RMST: variants seen among roughly 807,000 people sequenced by gnomAD.
RMST encodes the protein rhabdomyosarcoma 2 associated transcript.
At position 97,486,214 on chromosome 12, in the gene RMST, C is replaced by T. The variant is rs180839728; in HGVS notation, n.645-6247C>T. ...GCCTTTGTCTGATAAAAAGAACAGG[C>T]AGTGCCCACTCTAAAGAGGCAATGT... On this transcript the variant is annotated intron_variant and non_coding_transcript_variant, in intron 5 of 13. Transcript: ENST00000640149. 1.5e-4 allele frequency among the ~76,000 whole-genome samples: 23 copies of T among 152,280 alleles called. No homozygotes were observed. In the East Asian group the frequency reaches 3.9e-3, roughly 26 times the overall value.
chr12:97,559,764 A>C (rs1883988594), intron 11 of RMST, among the ~76,000 whole-genome samples: 1 of 152,172 alleles, frequency 6.6e-6, no homozygotes, highest in Non-Finnish European at 1.5e-5. Flanking sequence ...CATTGCTTCT[A>C]GAAGTGTGGG....
chr12:97,497,304 G>C (rs904932418), intron 10 of RMST, among the ~76,000 whole-genome samples: 6 of 152,162 alleles, frequency 3.9e-5, no homozygotes, highest in South Asian at 2.1e-4. Flanking sequence ...CTCTGTCTTA[G>C]TAATTAGACA....
intron 5 of RMST, among the ~76,000 whole-genome samples, chr12:97,467,931 G>A (rs1873391216): frequency 6.6e-6 from 1 of 151,950 alleles, no homozygotes; most frequent in South Asian, 2.1e-4. Context: ...TTTCTTAGTA[G>A]TAGCCAGTTA....
chr12:97,530,423 T>C (rs140352417), intron 10 of RMST: 1,609 of 152,148 alleles, frequency 0.011, 16 homozygotes, highest in Non-Finnish European at 0.014. Context: ...ATTCACCTGA[T>C]TGCTTTCCTG....
rs1286613813 is a variant in RMST, at chr12:97,511,468, T to C, written n.1340+15412T>C. On this transcript the variant is annotated intron_variant and non_coding_transcript_variant, in intron 10 of 13. Transcript: ENST00000640149. Reference sequence around the variant, plus strand: ...TTATTAGAGCAAATACAAATTACCCTAGAGAGTTTCTCTTTAGAAATTTCT... The same window carrying C: ...TTATTAGAGCAAATACAAATTACCCCAGAGAGTTTCTCTTTAGAAATTTCT... Among the ~76,000 whole-genome samples, 3 of 152,322 alleles carry C rather than the reference T, an allele frequency of 2.0e-5. No homozygotes were observed. The East Asian group carries it at 5.8e-4, about 29-fold the overall frequency.
intron 5 of RMST, among the ~76,000 whole-genome samples, chr12:97,482,452 A>G (rs1353793919): frequency 6.6e-6 from 1 of 151,932 alleles, no homozygotes; most frequent in Non-Finnish European, 1.5e-5. Flanking sequence ...CATTACTTCC[A>G]TTAGTAACTT....
chr12:97,503,739 G>C lies in RMST; in HGVS notation n.1340+7683G>C, dbSNP rs566500133. Reference sequence around the variant, plus strand: ...GTGTGAAGGGAGCAAATCCCTGCATGCTTCAGGAAAGTGGAAAAAGTCCAT... The same window carrying C: ...GTGTGAAGGGAGCAAATCCCTGCATCCTTCAGGAAAGTGGAAAAAGTCCAT... On this transcript the variant is annotated intron_variant and non_coding_transcript_variant, in intron 10 of 13. Transcript: ENST00000640149. Among the ~76,000 whole-genome samples, 23 of 152,288 alleles carry C rather than the reference G, an allele frequency of 1.5e-4. No homozygotes were observed. The South Asian group carries it at 2.5e-3, about 16-fold the overall frequency.
intron 10 of RMST, among the ~76,000 whole-genome samples, chr12:97,497,333 G>T (rs896272091): frequency 1.3e-5 from 2 of 152,128 alleles, no homozygotes; most frequent in Non-Finnish European, 2.9e-5. Flanking sequence ...AGCCAGTTTG[G>T]CCTCACCCTG....
chr12:97,491,189 A>G (rs1290791148), intron 5 of RMST, among the ~76,000 whole-genome samples: 1 of 152,178 alleles, frequency 6.6e-6, no homozygotes, highest in Non-Finnish European at 1.5e-5. Flanking sequence ...CCTCCAAAGC[A>G]ATTTGGTCGA....
intron 5 of RMST, among the ~76,000 whole-genome samples, chr12:97,475,202 A>G (rs1874397952): frequency 6.6e-6 from 1 of 152,144 alleles, no homozygotes; most frequent in South Asian, 2.1e-4. Context: ...TACATTGATC[A>G]GTCATGGTTT....
Position 97,511,483 on chromosome 12 carries a change from T to C in RMST, n.1340+15427T>C, listed in dbSNP as rs183079630. On this transcript the variant is annotated intron_variant and non_coding_transcript_variant, in intron 10 of 13. Coordinates refer to ENST00000640149, the Ensembl canonical transcript of RMST. The stretch of plus-strand genomic sequence containing the variant: ...CAAATTACCCTAGAGAGTTTCTCTT[T>C]AGAAATTTCTTGCTATTTTTTCCTT... Among the ~76,000 whole-genome samples the C allele has an allele frequency of 2.4e-3, 372 of 152,332 alleles. 2 individuals carry two copies. Among genetic ancestry groups the C allele is most frequent in the African/African-American group, 8.7e-3 (363 of 41,564 alleles).
intron 10 of RMST, among the ~76,000 whole-genome samples, chr12:97,498,207 G>T (rs1379478690): frequency 6.6e-6 from 1 of 152,120 alleles, no homozygotes; most frequent in African/African-American, 2.4e-5. Flanking sequence ...TAAAGTTTTA[G>T]TAATAAGGGG....
intron 5 of RMST, among the ~76,000 whole-genome samples, chr12:97,472,972 T>G (rs1874106842): frequency 6.6e-6 from 1 of 152,084 alleles, no homozygotes. Context: ...GAAAATATAA[T>G]CGTTCTCTCA....
At position 97,506,605 on chromosome 12, in the gene RMST, G is replaced by A. The variant is rs554385451; in HGVS notation, n.1340+10549G>A. Reference sequence around the variant, plus strand: ...AATCCCTATGTGGTAACTGGGAAATGTGTCACCTAAAAAAGATGACATTTA... The same window carrying A: ...AATCCCTATGTGGTAACTGGGAAATATGTCACCTAAAAAAGATGACATTTA... On this transcript the variant is annotated intron_variant and non_coding_transcript_variant, in intron 10 of 13. Coordinates refer to ENST00000640149, the Ensembl canonical transcript of RMST. 3.8e-4 allele frequency among the ~76,000 whole-genome samples: 57 copies of A among 150,330 alleles called. 2 individuals carry two copies. In the South Asian group the frequency reaches 0.012, roughly 31 times the overall value.
In RMST at chr12:97,556,371, G is replaced by C. The variant is rs760763146; in HGVS notation, n.1546-4166G>C. Among the ~76,000 whole-genome samples the C allele has an allele frequency of 2.6e-5, 4 of 152,184 alleles. No individual in the cohort carries two copies. The East Asian group carries it at 7.7e-4, about 29-fold the overall frequency. On this transcript the variant is annotated intron_variant and non_coding_transcript_variant, in intron 11 of 13. Coordinates refer to ENST00000640149, the Ensembl canonical transcript of RMST. The stretch of plus-strand genomic sequence containing the variant: ...AGGAAGGGAGTCAGCCAAGTGTGAC[G>C]TGTTAAAAGGCAGCTGGGCGGCCTC...
intron 11 of RMST, among the ~76,000 whole-genome samples, chr12:97,531,425 C>A (rs1248231070): frequency 3.3e-5 from 5 of 151,994 alleles, no homozygotes; most frequent in Non-Finnish European, 7.4e-5. Flanking sequence ...TTTTCCAGGG[C>A]CAGTCTGGTC....
At chr12:97,465,531 G>C (rs1442673615) in intron 4 of RMST, 1 of 152,148 alleles carries the variant, frequency 6.6e-6, no homozygotes, top group African/African-American at 2.4e-5. Flanking sequence ...CTAATAAGAT[G>C]CTGATGACAA....
At chr12:97,515,401 T>C (rs1460624059) in intron 10 of RMST, among the ~76,000 whole-genome samples, 5 of 152,148 alleles carry the variant, frequency 3.3e-5, no homozygotes, top group Admixed American at 3.3e-4. Flanking sequence ...GTATTTAAAA[T>C]GTTGAAGTAA....
chr12:97,554,964 A>G (rs1442374216), intron 11 of RMST, among the ~76,000 whole-genome samples: 1 of 152,164 alleles, frequency 6.6e-6, no homozygotes, highest in African/African-American at 2.4e-5. Context: ...TTGAAAAGTT[A>G]TGGTCTTGCT....
Sources: allele counts gnomAD v4.1 joint callset (sites outside exome capture counted in the v4.1 genomes callset), GRCh38; gene constraint gnomAD v4.1.1; transcripts MANE v1.5; gene names NCBI Gene and HGNC (gene_info 2026-07-23, HGNC 2026-07-21).